Variants in SOCS5 observed in about 807,000 individuals in gnomAD.
The protein encoded by SOCS5 is CIS-6.
In SOCS5, 32 loss-of-function variants were observed where a neutral mutation model predicts 42.8. That is an observed-to-expected ratio of 0.75 (90% CI 0.56 to 1.01). The LOEUF is 1.01. Ranked by LOEUF, SOCS5 falls within the 50% of genes least tolerant of loss-of-function variation. The probability of loss-of-function intolerance (pLI) is 0.00; values close to 1 mark genes in which losing one functional copy is unlikely to be tolerated. For synonymous variants in SOCS5, 283 were observed against 229.6 expected (o/e 1.23, Z -2.10); for missense variants, 627 against 653.0 (o/e 0.96, Z 0.43).
intron 1 of SOCS5, among the ~76,000 whole-genome samples, chr2:46,708,506 T>A (rs1254536429): frequency 6.6e-6 from 1 of 152,180 alleles, no homozygotes; most frequent in Non-Finnish European, 1.5e-5. Flanking sequence ...CTGAAAATTA[T>A]GAAAATAGAT....
chr2:46,752,172 T>G (rs1327277828), intron 1 of SOCS5, among the ~76,000 whole-genome samples: 1 of 151,792 alleles, frequency 6.6e-6, no homozygotes, highest in Non-Finnish European at 1.5e-5. Context: ...TTTGTTCTTT[T>G]TTTTTTTTTT....
chr2:46,737,414 G>C (rs1318052930), intron 1 of SOCS5, among the ~76,000 whole-genome samples: 2 of 152,148 alleles, frequency 1.3e-5, no homozygotes, highest in African/African-American at 2.4e-5. Flanking sequence ...TTATTAATGG[G>C]TAAAGTAAGA....
chr2:46,724,869 T>C (rs1672959205), intron 1 of SOCS5, among the ~76,000 whole-genome samples: 1 of 152,044 alleles, frequency 6.6e-6, no homozygotes, highest in South Asian at 2.1e-4. Context: ...TTTGTAGATG[T>C]CAACTAGATA....
intron 1 of SOCS5, among the ~76,000 whole-genome samples, chr2:46,715,562 G>C (rs1380231684): frequency 1.3e-5 from 2 of 151,962 alleles, no homozygotes; most frequent in Non-Finnish European, 2.9e-5. Flanking sequence ...TTTGAAAGTT[G>C]TTGGTGTGGA....
intron 1 of SOCS5, among the ~76,000 whole-genome samples, chr2:46,752,793 C>A (rs1673652363): frequency 6.6e-6 from 1 of 152,206 alleles, no homozygotes; most frequent in South Asian, 2.1e-4. Context: ...CAAACCCCTA[C>A]CTGACAAAAC....
intron 1 of SOCS5, among the ~76,000 whole-genome samples, chr2:46,711,087 A>G (rs969511534): frequency 5.3e-5 from 8 of 152,192 alleles, no homozygotes; most frequent in African/African-American, 1.7e-4. Flanking sequence ...CCAGTTTTCA[A>G]CTGTTAATGA....
At chr2:46,701,218 A>G (rs1223205628) in intron 1 of SOCS5, among the ~76,000 whole-genome samples, 6 of 152,206 alleles carry the variant, frequency 3.9e-5, no homozygotes, top group Non-Finnish European at 8.8e-5. Context: ...CAAACCAGTG[A>G]TTAGGGAAGC....
chr2:46,759,128 C>A lies in SOCS5; in HGVS notation c.598C>A (p.Pro200Thr). The A allele has an allele frequency of 1.2e-6, 2 of 1,613,970 alleles. No individual in the cohort carries two copies. Among genetic ancestry groups the A allele is most frequent in the Non-Finnish European group, 8.5e-7 (1 of 1,179,836 alleles). ...GAGAACTTACAGCAAGCAGTCAAAG[C>A]CTCTCTTTTCCAATAAAAGAAAAAT... ...PMRTYSKQSKPLFSNKRKIHL... is the reference protein window; with the variant it reads ...PMRTYSKQSKTLFSNKRKIHL... Residue 200 changes from proline to threonine, a missense_variant, in exon 2 of 2, where the codon CCT (proline) becomes ACT (threonine). Coordinates refer to ENST00000394861, the MANE Select transcript of SOCS5 (RefSeq NM_144949.3).
intron 1 of SOCS5, among the ~76,000 whole-genome samples, chr2:46,707,740 A>G (rs1411472469): frequency 6.6e-6 from 1 of 152,206 alleles, no homozygotes; most frequent in Non-Finnish European, 1.5e-5. Context: ...GGAGACATTT[A>G]CCAAATAATT....
intron 1 of SOCS5, among the ~76,000 whole-genome samples, chr2:46,729,573 A>C (rs1673069811): frequency 6.6e-6 from 1 of 152,242 alleles, no homozygotes; most frequent in African/African-American, 2.4e-5. Context: ...ACATCTATAC[A>C]CAAAGGGTAC....
intron 1 of SOCS5, among the ~76,000 whole-genome samples, chr2:46,743,081 T>C (rs1243367679): frequency 6.6e-6 from 1 of 152,198 alleles, no homozygotes; most frequent in Non-Finnish European, 1.5e-5. Flanking sequence ...TATAGTTTTT[T>C]AGTTTCAGAA....
chr2:46,729,849 C>T (rs966511341), intron 1 of SOCS5, among the ~76,000 whole-genome samples: 3 of 152,088 alleles, frequency 2.0e-5, no homozygotes, highest in Non-Finnish European at 4.4e-5. Flanking sequence ...CTTTTTAATT[C>T]TTTATAACTT....
chr2:46,730,579 G>A (rs1444697999), intron 1 of SOCS5, among the ~76,000 whole-genome samples: 6 of 152,168 alleles, frequency 3.9e-5, no homozygotes, highest in Non-Finnish European at 7.4e-5. Context: ...CAGCCTGGGC[G>A]ACAGAGTGAG....
intron 1 of SOCS5, among the ~76,000 whole-genome samples, chr2:46,750,939 G>T (rs1252258893): frequency 2.0e-5 from 3 of 152,038 alleles, no homozygotes; most frequent in Non-Finnish European, 2.9e-5. Flanking sequence ...TCAAAATATG[G>T]ATATGATGTA....
At chr2:46,756,212 A>G (rs1194001364) in intron 1 of SOCS5, among the ~76,000 whole-genome samples, 1 of 152,216 alleles carries the variant, frequency 6.6e-6, no homozygotes, top group African/African-American at 2.4e-5. Flanking sequence ...TCAGAGAAGT[A>G]TCTTTAGATA....
chr2:46,716,818 G>GT (rs1572832865), intron 1 of SOCS5, among the ~76,000 whole-genome samples: 1 of 152,130 alleles, frequency 6.6e-6, no homozygotes, highest in African/African-American at 2.4e-5. Flanking sequence ...TGTTTTCAGG[G>GT]TTTTTTGTTT....
At chr2:46,748,766 A>G (rs536058566) in intron 1 of SOCS5, among the ~76,000 whole-genome samples, 1 of 152,314 alleles carries the variant, frequency 6.6e-6, no homozygotes, top group South Asian at 2.1e-4. Flanking sequence ...TAGAGTCTTC[A>G]TATTTCTTGT....
intron 1 of SOCS5, among the ~76,000 whole-genome samples, chr2:46,738,337 A>G (rs1285134649): frequency 1.3e-5 from 2 of 152,184 alleles, no homozygotes; most frequent in Non-Finnish European, 2.9e-5. Context: ...GTGAAAGTAG[A>G]CAGAAAAGGT....
At chr2:46,713,755 G>A (rs1013998847) in intron 1 of SOCS5, among the ~76,000 whole-genome samples, 21 of 151,614 alleles carry the variant, frequency 1.4e-4, no homozygotes, top group South Asian at 4.2e-4. Context: ...ATTGATTTTC[G>A]AAACTCCTTT....
Sources: gnomAD v4.1 joint callset for allele counts (sites outside exome capture counted in the v4.1 genomes callset) on GRCh38, gnomAD v4.1.1 for gene constraint, MANE v1.5 for transcripts, NCBI Gene and HGNC (gene_info 2026-07-23, HGNC 2026-07-21) for gene names.